The following EPM2A variants were observed in gnomAD, a reference collection of about 807,000 sequenced individuals.
The protein encoded by EPM2A is laforin.
In EPM2A, 21 loss-of-function variants were observed where a neutral mutation model predicts 26.5. That is an observed-to-expected ratio of 0.79 (90% CI 0.56 to 1.14). EPM2A has a LOEUF of 1.14. Ranked by LOEUF, EPM2A falls within the 50% of genes most tolerant of loss-of-function variation. EPM2A has a pLI of 0.00. For missense variants in EPM2A, 458 were observed against 440.8 expected (o/e 1.04, Z -0.35); for synonymous variants, 217 against 177.6 (o/e 1.22, Z -1.76).
chr6:145,591,531 A>T (rs915541151), intron 2 of EPM2A, among the ~76,000 whole-genome samples: 3 of 152,160 alleles, frequency 2.0e-5, no homozygotes, highest in African/African-American at 7.2e-5. Context: ...AACCAACAAA[A>T]AGAGTGCAGT....
intron 2 of EPM2A, among the ~76,000 whole-genome samples, chr6:145,525,572 G>A (rs1318888340): frequency 6.6e-6 from 1 of 151,954 alleles, no homozygotes; most frequent in Non-Finnish European, 1.5e-5. Flanking sequence ...AAATGGAATT[G>A]CATTGTTGAT....
chr6:145,485,255 C>T (rs146243996), intron 4 of EPM2A, among the ~76,000 whole-genome samples: 10 of 151,966 alleles, frequency 6.6e-5, no homozygotes, highest in Non-Finnish European at 1.2e-4. Context: ...AGAGTAGTGT[C>T]ATGGAAAATC....
intron 4 of EPM2A, among the ~76,000 whole-genome samples, chr6:145,460,533 T>C (rs984539549): frequency 7.2e-5 from 11 of 152,198 alleles, no homozygotes; most frequent in Non-Finnish European, 1.6e-4. Flanking sequence ...TAGTGCACAG[T>C]ATGTCCTCAA....
intron 4 of EPM2A, among the ~76,000 whole-genome samples, chr6:145,486,626 T>C (rs1779681769): frequency 6.6e-6 from 1 of 151,980 alleles, no homozygotes; most frequent in Non-Finnish European, 1.5e-5. Context: ...CTAACCACGG[T>C]TTTATTGTGG....
chr6:145,715,259 C>G (rs530051467), intron 1 of EPM2A, among the ~76,000 whole-genome samples: 2 of 152,124 alleles, frequency 1.3e-5, no homozygotes, highest in Non-Finnish European at 2.9e-5. Context: ...ACCCACCAGA[C>G]AGGACACCCT....
At chr6:145,511,924 C>T (rs150494668) in intron 2 of EPM2A, among the ~76,000 whole-genome samples, 3 of 152,182 alleles carry the variant, frequency 2.0e-5, no homozygotes, top group Admixed American at 6.5e-5. Context: ...TCTCAAGATA[C>T]AAAATAAATG....
intron 4 of EPM2A, among the ~76,000 whole-genome samples, chr6:145,466,447 C>T (rs1779394939): frequency 6.6e-6 from 1 of 152,138 alleles, no homozygotes; most frequent in African/African-American, 2.4e-5. Flanking sequence ...AATGAGATAC[C>T]ATTTCACACC....
In EPM2A at chr6:145,547,159, A is replaced by C. The variant is rs182994732; in HGVS notation, c.341-44584T>G. On this transcript the variant is annotated intron_variant, in intron 2 of 3. Coordinates refer to the EPM2A transcript ENST00000450221. ...CCAAACCTATCAACTTTCTATCAAA[A>C]TTCACAACCCATCCTAACCTCTATT... 2.3e-3 allele frequency among the ~76,000 whole-genome samples: 352 copies of C among 152,198 alleles called. 2 individuals carry two copies. Among genetic ancestry groups the C allele is most frequent in the Middle Eastern group, 0.014 (4 of 294 alleles).
chr6:145,585,489 G>A (rs2114840824), intron 2 of EPM2A, among the ~76,000 whole-genome samples: 1 of 152,052 alleles, frequency 6.6e-6, no homozygotes, highest in Non-Finnish European at 1.5e-5. Context: ...CTTTTCTTCT[G>A]CAATGTCGAA....
chr6:145,502,890 G>T (rs2114753107), intron 2 of EPM2A, among the ~76,000 whole-genome samples: 1 of 152,222 alleles, frequency 6.6e-6, no homozygotes, highest in East Asian at 1.9e-4. Flanking sequence ...TGATTTTAAT[G>T]CAGATTCATA....
chr6:145,468,100 T>G (rs1022464753), intron 4 of EPM2A, among the ~76,000 whole-genome samples: 2 of 152,058 alleles, frequency 1.3e-5, no homozygotes, highest in Admixed American at 1.3e-4. Flanking sequence ...TATATTTGTC[T>G]TTATGAAATT....
downstream of EPM2A, among the ~76,000 whole-genome samples, chr6:145,498,782 G>A (rs988575733): frequency 2.6e-5 from 4 of 152,124 alleles, no homozygotes; most frequent in African/African-American, 9.7e-5. Flanking sequence ...CTCCGTGAGT[G>A]CCATGCACCA....
chr6:145,728,247 TAA>T (rs1298332862), intron 1 of EPM2A, among the ~76,000 whole-genome samples: 5 of 152,336 alleles, frequency 3.3e-5, no homozygotes, highest in Admixed American at 1.3e-4. Flanking sequence ...TGCATTACTA[TAA>T]AGATACCTGA....
At chr6:145,666,942 G>A (rs1291070473) in intron 2 of EPM2A, among the ~76,000 whole-genome samples, 5 of 134,902 alleles carry the variant, frequency 3.7e-5, no homozygotes, top group Non-Finnish European at 6.2e-5. Context: ...AAATGGTGCT[G>A]GGAAAACTGG....
In EPM2A at chr6:145,669,577, A is replaced by G. The variant is rs576286251; in HGVS notation, c.476+16545T>C. On this transcript the variant is annotated intron_variant, in intron 2 of 3. Transcript: ENST00000367519. ...TGAAGCAGACCTTCCATAATGGTTCACATAATAGATTTAATTCTAGCACTG... is the reference window on the plus strand; with the variant it reads ...TGAAGCAGACCTTCCATAATGGTTCGCATAATAGATTTAATTCTAGCACTG... Among the ~76,000 whole-genome samples, 21 of 152,318 alleles carry G rather than the reference A, an allele frequency of 1.4e-4. 1 individual carries two copies. Among genetic ancestry groups the G allele is most frequent in the Admixed American group, 1.4e-3 (21 of 15,298 alleles).
chr6:145,406,450 C>CT (rs1224804633), intron 4 of EPM2A, among the ~76,000 whole-genome samples: 1 of 152,142 alleles, frequency 6.6e-6, no homozygotes, highest in Non-Finnish European at 1.5e-5. Context: ...AATTTCCACT[C>CT]TTAAGGCGGT....
At chr6:145,704,523 T>G (rs190326725) in intron 1 of EPM2A, among the ~76,000 whole-genome samples, 181 of 152,332 alleles carry the variant, frequency 1.2e-3, no homozygotes, top group African/African-American at 4.1e-3. Flanking sequence ...GTGGGACAGA[T>G]AGCGGAAGTG....
chr6:145,448,782 CA>C (rs1779156349), intron 4 of EPM2A, among the ~76,000 whole-genome samples: 1 of 152,112 alleles, frequency 6.6e-6, no homozygotes, highest in Admixed American at 6.5e-5. Context: ...ATAGACTAAA[CA>C]TTTGAAACTT....
Position 145,610,704 on chromosome 6 carries a change from C to T in EPM2A, c.340+24541G>A, listed in dbSNP as rs1351351616. Reference sequence around the variant, plus strand: ...TACATTTCTGAAGAAATCAGAAATCCTTTTGGGAACACTGTCTAATTTGTA... The same window carrying T: ...TACATTTCTGAAGAAATCAGAAATCTTTTTGGGAACACTGTCTAATTTGTA... On this transcript the variant is annotated intron_variant, in intron 2 of 3. Transcript: ENST00000450221. Among the ~76,000 whole-genome samples the T allele has an allele frequency of 2.6e-5, 4 of 152,150 alleles. No homozygotes were observed. In the East Asian group the frequency reaches 5.8e-4, roughly 22 times the overall value.
Sources: gnomAD v4.1 joint callset for allele counts (sites outside exome capture counted in the v4.1 genomes callset) on GRCh38, gnomAD v4.1.1 for gene constraint, MANE v1.5 for transcripts, NCBI Gene and HGNC (gene_info 2026-07-23, HGNC 2026-07-21) for gene names.